Variants in ZFHX3 observed in about 807,000 individuals in gnomAD.
The protein encoded by ZFHX3 is zinc finger homeobox 3, also known as zinc finger homeobox protein 3.
A neutral mutation model predicts 279.1 loss-of-function variants in ZFHX3; 42 were observed. That is an observed-to-expected ratio of 0.15 (90% CI 0.12 to 0.19). ZFHX3 has a LOEUF of 0.19. Among genes scored for constraint, ZFHX3 ranks in the 10% least tolerant of loss-of-function variants. The pLI is 1.00. For synonymous variants in ZFHX3, 2,293 were observed against 1,957.8 expected (o/e 1.17, Z -4.52); for missense variants, 4,981 against 4,754.0 (o/e 1.05, Z -1.40).
intron 8 of ZFHX3, among the ~76,000 whole-genome samples, chr16:73,073,492 C>T (rs540654476): frequency 6.6e-6 from 1 of 152,228 alleles, no homozygotes; most frequent in East Asian, 1.9e-4. Flanking sequence ...CAAGGACTTG[C>T]TGGATTTTGT....
chr16:73,326,096 G>C (rs2015682821), intron 3 of ZFHX3, among the ~76,000 whole-genome samples: 2 of 152,180 alleles, frequency 1.3e-5, no homozygotes, highest in African/African-American at 4.8e-5. Context: ...TCTACAGATG[G>C]AGAGATAGAA....
In ZFHX3 at chr16:72,959,703, C is replaced by A; in HGVS notation, c.443G>T (p.Ser148Ile). The A allele has an allele frequency of 6.2e-7, 1 of 1,613,928 alleles. No homozygotes were observed. The highest frequency in any genetic ancestry group is 8.5e-7 in the Non-Finnish European group (1 of 1,180,000). ...DGSAYIVESL[S>I]QLTQGGGACG... Reference sequence around the variant, plus strand: ...GGCGCCCCCGCCCTGGGTCAGCTGGCTCAGGCTCTCCACAATGTACGCGGA... The same window carrying A: ...GGCGCCCCCGCCCTGGGTCAGCTGGATCAGGCTCTCCACAATGTACGCGGA... The change falls in exon 2 of 10, where the codon AGC becomes ATC. Residue 148 changes from serine (S) to isoleucine (I), a missense_variant. Physicochemically the swap from Ser to Ile is moderately radical, Grantham distance 142. Coordinates refer to ENST00000268489, the MANE Select transcript of ZFHX3 (RefSeq NM_006885.4).
chr16:73,105,960 GT>G (rs1966299049), intron 7 of ZFHX3, among the ~76,000 whole-genome samples: 1 of 94,790 alleles, frequency 1.1e-5, no homozygotes, highest in Non-Finnish European at 2.0e-5. Flanking sequence ...TCCTACCTCT[GT>G]GCTTAGGCTC....
chr16:73,024,209 T>C (rs974693322), intron 1 of ZFHX3, among the ~76,000 whole-genome samples: 2 of 152,094 alleles, frequency 1.3e-5, no homozygotes, highest in Non-Finnish European at 2.9e-5. Flanking sequence ...TGGAGTGTTT[T>C]GGCAAAGAAA....
rs1173189614 is a variant in ZFHX3 at position 72,787,727 on chromosome 16, CGCCGCCGCCACT to C, written c.10537_10548del (p.Ser3513_Gly3516del). On this transcript the variant is annotated inframe_deletion, in exon 10 of 10. Transcript: ENST00000268489. ...CCGCCGCCGCCGCCGCCACCGCCGC[CGCCGCCGCCACT>C]GCCACCGCCGCCGCCGCCGGTGGGG... 7.1e-7 allele frequency: 1 copy of C among 1,398,702 alleles called. No homozygotes were observed. The highest frequency in any genetic ancestry group is 9.3e-7 in the Non-Finnish European group (1 of 1,070,896). 86.6% of individuals were successfully genotyped at this position (1,398,702 alleles called of 1,614,324 possible).
intron 3 of ZFHX3, among the ~76,000 whole-genome samples, chr16:73,385,272 GA>G (rs957279602): frequency 1.3e-5 from 2 of 150,996 alleles, no homozygotes; most frequent in Admixed American, 1.3e-4. Flanking sequence ...CTTTGCAATT[GA>G]AAAAAAAATT....
At chr16:73,581,011 C>G (rs1172610799) in intron 2 of ZFHX3, among the ~76,000 whole-genome samples, 1 of 151,844 alleles carries the variant, frequency 6.6e-6, no homozygotes, top group Non-Finnish European at 1.5e-5. Flanking sequence ...AGATCACAGT[C>G]TGGACACAAG....
intron 4 of ZFHX3, among the ~76,000 whole-genome samples, chr16:72,866,025 A>G (rs2038013590): frequency 6.6e-6 from 1 of 152,214 alleles, no homozygotes. Flanking sequence ...CTGAGGCTGC[A>G]GCCCAGAAAG....
intron 3 of ZFHX3, among the ~76,000 whole-genome samples, chr16:73,446,443 C>G (rs2018186588): frequency 1.3e-5 from 2 of 152,122 alleles, no homozygotes; most frequent in African/African-American, 2.4e-5. Flanking sequence ...ACCATCAGAT[C>G]TCATAAAAGA....
chr16:73,464,612 G>GGA (rs2018531337), intron 2 of ZFHX3, among the ~76,000 whole-genome samples: 1 of 104,812 alleles, frequency 9.5e-6, no homozygotes, highest in Non-Finnish European at 1.9e-5. Flanking sequence ...GGGGAGAGGG[G>GGA]AAAACACAAC....
At chr16:73,600,916 A>G (rs928832712) in intron 2 of ZFHX3, among the ~76,000 whole-genome samples, 1 of 152,072 alleles carries the variant, frequency 6.6e-6, no homozygotes, top group Non-Finnish European at 1.5e-5. Context: ...TCCACAAGCT[A>G]TTCTTTACAC....
chr16:73,207,243 C>T (rs1346113750), intron 5 of ZFHX3, among the ~76,000 whole-genome samples: 2 of 152,060 alleles, frequency 1.3e-5, no homozygotes, highest in Non-Finnish European at 2.9e-5. Flanking sequence ...CTAGACGACA[C>T]ACGGTTCTAG....
intron 8 of ZFHX3, among the ~76,000 whole-genome samples, chr16:73,080,889 C>T (rs1479502682): frequency 6.6e-6 from 1 of 152,134 alleles, no homozygotes. Flanking sequence ...CCAGGTGATT[C>T]TTAAATGTGC....
At chr16:73,459,440 G>C (rs1393809493) in intron 2 of ZFHX3, among the ~76,000 whole-genome samples, 1 of 152,142 alleles carries the variant, frequency 6.6e-6, no homozygotes, top group Non-Finnish European at 1.5e-5. Flanking sequence ...TTGGCTGACT[G>C]CAACCTCCAC....
At position 72,783,469 on chromosome 16, in the gene ZFHX3, T is replaced by C. The variant is rs1346787555; in HGVS notation, c.*3695A>G. 1 of 152,638 alleles carries C rather than the reference T, an allele frequency of 6.6e-6. No individual in the cohort carries two copies. Among genetic ancestry groups the C allele is most frequent in the African/African-American group, 2.4e-5 (1 of 41,450 alleles). 9.5% of individuals were successfully genotyped at this position (152,638 alleles called of 1,614,324 possible). On this transcript the variant is annotated 3_prime_UTR_variant, in exon 10 of 10. Coordinates refer to ENST00000268489, the MANE Select transcript of ZFHX3 (RefSeq NM_006885.4). Reference sequence around the variant, plus strand: ...GCACTGGCTTGGGTCACTGCCTCTCTCTCCTGCAACTTCCTGCCATGCCTG... The same window carrying C: ...GCACTGGCTTGGGTCACTGCCTCTCCCTCCTGCAACTTCCTGCCATGCCTG...
intron 4 of ZFHX3, among the ~76,000 whole-genome samples, chr16:72,887,226 C>G (rs552221759): frequency 6.6e-6 from 1 of 152,052 alleles, no homozygotes; most frequent in Non-Finnish European, 1.5e-5. Flanking sequence ...TTAGGAGGGA[C>G]GCCTCCAGGA....
intron 3 of ZFHX3, among the ~76,000 whole-genome samples, chr16:72,945,135 C>A (rs1960602596): frequency 6.6e-6 from 1 of 152,020 alleles, no homozygotes; most frequent in Non-Finnish European, 1.5e-5. Flanking sequence ...TGAAATACAA[C>A]CTATTGGACG....
At chr16:72,887,879 G>A (rs1000573288) in intron 4 of ZFHX3, among the ~76,000 whole-genome samples, 4 of 151,992 alleles carry the variant, frequency 2.6e-5, no homozygotes, top group Admixed American at 6.6e-5. Flanking sequence ...ATGTGTGTGC[G>A]CGCACGTGCG....
intron 1 of ZFHX3, among the ~76,000 whole-genome samples, chr16:73,727,172 C>A (rs1270300774): frequency 2.0e-5 from 3 of 152,156 alleles, no homozygotes; most frequent in Non-Finnish European, 4.4e-5. Flanking sequence ...GCCAGACCAA[C>A]ACAGATCCTG....
Sources: gnomAD v4.1 joint callset for allele counts (sites outside exome capture counted in the v4.1 genomes callset) on GRCh38, gnomAD v4.1.1 for gene constraint, MANE v1.5 for transcripts, NCBI Gene and HGNC (gene_info 2026-07-23, HGNC 2026-07-21) for gene names.